CDS2: variants seen among roughly 807,000 people sequenced by gnomAD.
CDS2 encodes the protein CDP-diacylglycerol synthase 2.
A neutral mutation model predicts 59.0 loss-of-function variants in CDS2; 47 were observed. The observed-to-expected ratio is 0.80, with a 90% confidence interval of 0.63 to 1.02. The LOEUF is 1.02. Ranked by LOEUF, CDS2 falls within the 50% of genes least tolerant of loss-of-function variation. The pLI, the probability that CDS2 is intolerant of heterozygous loss-of-function variation, is 0.00. For synonymous variants in CDS2, 207 were observed against 206.4 expected, an observed-to-expected ratio of 1.00 and a Z score of -0.02; for missense variants, 356 against 558.9, an observed-to-expected ratio of 0.64 and a Z score of 3.66.
At chr20:5,156,287 T>C (rs2090833237) in intron 1 of CDS2, among the ~76,000 whole-genome samples, 1 of 152,130 alleles carries the variant, frequency 6.6e-6, no homozygotes. Context: ...CGGACAGTGT[T>C]TTCCATGGGG....
Position 5,193,318 on chromosome 20 carries a change from G to A in CDS2, c.*3084G>A, listed in dbSNP as rs1226660498. ...TGCATTTAAAATGTAATTACTCTTA[G>A]TATTGTACAGCCCTATAATGTATGA... On this transcript the variant is annotated 3_prime_UTR_variant, in exon 13 of 13. Coordinates refer to ENST00000460006, the MANE Select transcript of CDS2 (RefSeq NM_003818.4). 5 of 152,120 alleles carry A rather than the reference G, an allele frequency of 3.3e-5. No individual in the cohort carries two copies. Among genetic ancestry groups the A allele is most frequent in the African/African-American group, 1.2e-4 (5 of 41,410 alleles). 9.4% of individuals were successfully genotyped at this position (152,120 alleles called of 1,614,324 possible). A position where few individuals can be genotyped will look rare whatever the true frequency, so the allele number is the denominator to read the frequency against.
chr20:5,170,971 A>T (rs1224154485), intron 1 of CDS2, among the ~76,000 whole-genome samples: 2 of 152,264 alleles, frequency 1.3e-5, no homozygotes, highest in African/African-American at 4.8e-5. Flanking sequence ...GAAGAAATGG[A>T]TAAATTCCTC....
intron 1 of CDS2, among the ~76,000 whole-genome samples, chr20:5,131,553 GCTTTA>G (rs1251941221): frequency 6.6e-6 from 1 of 152,192 alleles, no homozygotes; most frequent in Non-Finnish European, 1.5e-5. Flanking sequence ...GGGGTTTTCT[GCTTTA>G]CTTAATTGCT....
intron 1 of CDS2, among the ~76,000 whole-genome samples, chr20:5,163,649 A>G (rs1454658843): frequency 1.3e-5 from 2 of 152,150 alleles, no homozygotes; most frequent in Non-Finnish European, 2.9e-5. Flanking sequence ...TAATGCTCAA[A>G]TTGTCCTATC....
chr20:5,149,704 C>T (rs1479365616), intron 1 of CDS2, among the ~76,000 whole-genome samples: 1 of 151,864 alleles, frequency 6.6e-6, no homozygotes, highest in African/African-American at 2.4e-5. Flanking sequence ...GCACAGCCTT[C>T]TCCTAGTGTT....
intron 1 of CDS2, among the ~76,000 whole-genome samples, chr20:5,145,973 G>A (rs985267171): frequency 4.0e-5 from 6 of 151,868 alleles, no homozygotes; most frequent in Non-Finnish European, 7.4e-5. Flanking sequence ...ATAGGCATGC[G>A]CCACCATGCC....
At chr20:5,173,024 T>G (rs1055104846) in intron 1 of CDS2, among the ~76,000 whole-genome samples, 1 of 152,186 alleles carries the variant, frequency 6.6e-6, no homozygotes, top group African/African-American at 2.4e-5. Context: ...ACACTGACTG[T>G]GATTGACCTC....
chr20:5,186,722 C>T lies in CDS2; in HGVS notation c.864C>T (p.Val288=). The stretch of plus-strand genomic sequence containing the variant: ...TGATGTCCGGGTACAGATGCTTTGT[C>T]TGCCCTGTGGAGTACAACAATGACA... The part of the protein sequence containing the change: ...SYVMSGYRCF[V]CPVEYNNDTN... The change falls in exon 10 of 13, where the codon GTC becomes GTT. Residue 288 remains valine (V), a synonymous_variant. Transcript: ENST00000460006. The T allele has an allele frequency of 1.2e-6, 2 of 1,614,122 alleles. No individual in the cohort carries two copies. Among genetic ancestry groups the T allele is most frequent in the Non-Finnish European group, 1.7e-6 (2 of 1,179,994 alleles).
intron 1 of CDS2, among the ~76,000 whole-genome samples, chr20:5,163,974 A>G (rs939012353): frequency 2.6e-5 from 4 of 151,802 alleles, no homozygotes; most frequent in Non-Finnish European, 4.4e-5. Flanking sequence ...TGTTTTTAGT[A>G]GAGACGGAGT....
intron 2 of CDS2, among the ~76,000 whole-genome samples, chr20:5,174,687 A>C (rs1488182056): frequency 1.3e-5 from 2 of 151,294 alleles, no homozygotes; most frequent in Non-Finnish European, 2.9e-5. Flanking sequence ...GTGCCACTGC[A>C]CTCCAACCTG....
At chr20:5,148,677 T>C (rs1203221007) in intron 1 of CDS2, among the ~76,000 whole-genome samples, 1 of 152,232 alleles carries the variant, frequency 6.6e-6, no homozygotes, top group Non-Finnish European at 1.5e-5. Context: ...TGCTGATCTT[T>C]TGGCACTTTG....
At chr20:5,170,279 C>G (rs890426614) in intron 1 of CDS2, among the ~76,000 whole-genome samples, 1 of 152,196 alleles carries the variant, frequency 6.6e-6, no homozygotes, top group Non-Finnish European at 1.5e-5. Context: ...TGAATGTGTT[C>G]AGCATGTACC....
In CDS2 at chr20:5,184,971, T is replaced by C; in HGVS notation, c.759+26T>C. The C allele has an allele frequency of 1.3e-6, 2 of 1,525,966 alleles. No homozygotes were observed. Among genetic ancestry groups the C allele is most frequent in the South Asian group, 2.2e-5 (2 of 89,228 alleles). The allele number at this position is 1,525,966 out of a possible 1,614,324, so 94.5% of individuals were successfully genotyped here. ...GTAAATGGATTACCCTAATGTGAAATACCACTGTGAGGGGAGGGTGGTGCT... is the reference window on the plus strand; with the variant it reads ...GTAAATGGATTACCCTAATGTGAAACACCACTGTGAGGGGAGGGTGGTGCT... On this transcript the variant is annotated intron_variant, in intron 8 of 12. Transcript: ENST00000460006. This position sits in a 1 kb window ranked among gnomAD's most constrained non-coding sequence, Gnocchi z 4.3.
At chr20:5,175,310 C>A in intron 3 of CDS2, 31 bp downstream of exon 3, 1 of 1,576,588 alleles carries the variant, frequency 6.3e-7, no homozygotes, top group South Asian at 1.1e-5. Flanking sequence ...TTTTAGTTTT[C>A]CCTTCAGTTT....
intron 1 of CDS2, among the ~76,000 whole-genome samples, chr20:5,130,346 G>A (rs1397809614): frequency 1.3e-5 from 2 of 152,126 alleles, no homozygotes; most frequent in Non-Finnish European, 2.9e-5. Context: ...CCATGACTTT[G>A]GCTTTGCCAA....
At chr20:5,133,527 CTATT>C (rs1363129447) in intron 1 of CDS2, among the ~76,000 whole-genome samples, 2 of 151,590 alleles carry the variant, frequency 1.3e-5, no homozygotes, top group Non-Finnish European at 2.9e-5. Flanking sequence ...TGAAGGTCTT[CTATT>C]TATTTATTTT....
At chr20:5,139,925 G>A (rs1162763745) in intron 1 of CDS2, among the ~76,000 whole-genome samples, 2 of 151,580 alleles carry the variant, frequency 1.3e-5, no homozygotes, top group Non-Finnish European at 2.9e-5. Flanking sequence ...TCAGCCTCAC[G>A]AGTAGCTGGG....
intron 1 of CDS2, among the ~76,000 whole-genome samples, chr20:5,160,051 C>T (rs1343595099): frequency 1.3e-5 from 2 of 151,198 alleles, no homozygotes; most frequent in South Asian, 2.1e-4. Flanking sequence ...TGACTGGCTG[C>T]TCATATGCCG....
intron 1 of CDS2, among the ~76,000 whole-genome samples, chr20:5,140,751 A>G (rs574643798): frequency 8.5e-5 from 13 of 152,252 alleles, no homozygotes; most frequent in Non-Finnish European, 1.6e-4. Flanking sequence ...GGCAGTAATC[A>G]TCAATGCTGC....
Sources: gnomAD v4.1 joint callset for allele counts (sites outside exome capture counted in the v4.1 genomes callset) on GRCh38, gnomAD v4.1.1 for gene constraint, Gnocchi (gnomAD v3.1) non-coding constraint, MANE v1.5 for transcripts, NCBI Gene and HGNC (gene_info 2026-07-23, HGNC 2026-07-21) for gene names.